The following SNTG1 variants were observed in gnomAD, a reference collection of about 807,000 sequenced individuals.
The protein encoded by SNTG1 is syntrophin gamma 1.
In SNTG1, 39 loss-of-function variants were observed where a neutral mutation model predicts 74.7. The ratio of observed to expected loss-of-function variants is 0.52; its 90% CI spans 0.40 to 0.68. SNTG1 has a LOEUF of 0.68. Among genes scored for constraint, SNTG1 ranks in the 30% least tolerant of loss-of-function variants. SNTG1 has a pLI of 0.00. For synonymous variants in SNTG1, 254 were observed against 217.1 expected, an observed-to-expected ratio of 1.17 and a Z score of -1.49; for missense variants, 685 against 609.5, an observed-to-expected ratio of 1.12 and a Z score of -1.30.
intron 2 of SNTG1, among the ~76,000 whole-genome samples, chr8:50,259,511 AGAAAG>A (rs1489636685): frequency 8.3e-5 from 8 of 96,580 alleles, no homozygotes; most frequent in African/African-American, 3.3e-4. Context: ...AAAAAAAAAA[AGAAAG>A]AAAGAAAGAA....
intron 1 of SNTG1, among the ~76,000 whole-genome samples, chr8:50,145,703 C>T (rs1404584836): frequency 6.6e-6 from 1 of 152,130 alleles, no homozygotes; most frequent in Non-Finnish European, 1.5e-5. Context: ...TTAGGGAAAG[C>T]AGAACTGATT....
At chr8:50,055,913 C>A (rs576613195) in intron 1 of SNTG1, among the ~76,000 whole-genome samples, 1 of 151,968 alleles carries the variant, frequency 6.6e-6, no homozygotes, top group African/African-American at 2.4e-5. Context: ...ATATATGTTG[C>A]TGTCTTTTTA....
chr8:50,544,915 A>T (rs2094375740), intron 11 of SNTG1, among the ~76,000 whole-genome samples: 1 of 152,054 alleles, frequency 6.6e-6, no homozygotes, highest in Non-Finnish European at 1.5e-5. Flanking sequence ...GTGATTTATA[A>T]TAGATTCATG....
intron 13 of SNTG1, among the ~76,000 whole-genome samples, chr8:50,641,010 C>G (rs1158136678): frequency 6.6e-6 from 1 of 152,158 alleles, no homozygotes; most frequent in African/African-American, 2.4e-5. Flanking sequence ...AGCATACATG[C>G]TCAGTTCAAT....
At chr8:50,643,571 A>C (rs569687582) in intron 13 of SNTG1, among the ~76,000 whole-genome samples, 13 of 151,862 alleles carry the variant, frequency 8.6e-5, no homozygotes, top group Non-Finnish European at 1.6e-4. Flanking sequence ...CTTCTTTCTG[A>C]GTGTAACAGA....
At chr8:49,928,145 T>TAATAAATAAATA (rs372341073) in intron 1 of SNTG1, among the ~76,000 whole-genome samples, 1,727 of 138,106 alleles carry the variant, frequency 0.013, 9 homozygotes, top group Middle Eastern at 0.034. Context: ...TCTCAAAAAA[T>TAATAAATAAATA]AATAAATAAA....
At chr8:50,656,858 A>T (rs772613026) in intron 13 of SNTG1, 51 bp from the exon 14 acceptor site, 11 of 1,139,646 alleles carry the variant, frequency 9.7e-6, no homozygotes, top group South Asian at 9.2e-5. Context: ...TAGATATAAG[A>T]TATCTAAAAT....
At chr8:49,921,817 T>C (rs891430626) in intron 1 of SNTG1, among the ~76,000 whole-genome samples, 1 of 152,142 alleles carries the variant, frequency 6.6e-6, no homozygotes, top group Non-Finnish European at 1.5e-5. Context: ...TCATGTAAAA[T>C]ATGCATAAAA....
chr8:50,501,448 T>G (rs1041934580), intron 8 of SNTG1, among the ~76,000 whole-genome samples: 3 of 139,042 alleles, frequency 2.2e-5, no homozygotes, highest in Non-Finnish European at 3.1e-5. Flanking sequence ...TTTTTTTTTT[T>G]TTTTTTCACG....
At chr8:49,956,743 A>C (rs1810211771) in intron 1 of SNTG1, among the ~76,000 whole-genome samples, 1 of 152,126 alleles carries the variant, frequency 6.6e-6, no homozygotes. Context: ...TCCTGGACCC[A>C]CTGATCATCC....
intron 5 of SNTG1, among the ~76,000 whole-genome samples, chr8:50,439,293 A>G (rs1287179688): frequency 6.6e-6 from 1 of 152,164 alleles, no homozygotes; most frequent in Non-Finnish European, 1.5e-5. Context: ...TGTCAAACCT[A>G]CATCTCTTCA....
At chr8:50,481,544 A>G (rs1365486246) in intron 8 of SNTG1, among the ~76,000 whole-genome samples, 5 of 152,318 alleles carry the variant, frequency 3.3e-5, no homozygotes, top group Non-Finnish European at 1.5e-5. Context: ...AGTGAGTAGC[A>G]AATAATTATG....
At chr8:50,444,552 C>T (rs1285422351) in intron 5 of SNTG1, among the ~76,000 whole-genome samples, 1 of 152,044 alleles carries the variant, frequency 6.6e-6, no homozygotes, top group Non-Finnish European at 1.5e-5. Context: ...GAGATTAAGA[C>T]CATCCTGGCC....
chr8:50,512,807 A>T (rs191169804), intron 9 of SNTG1, among the ~76,000 whole-genome samples: 1 of 152,104 alleles, frequency 6.6e-6, no homozygotes, highest in African/African-American at 2.4e-5. Flanking sequence ...TATTTTAGTT[A>T]GCCATTCATC....
chr8:50,770,642 C>T (rs1395035143), intron 18 of SNTG1, among the ~76,000 whole-genome samples: 1 of 151,976 alleles, frequency 6.6e-6, no homozygotes, highest in Non-Finnish European at 1.5e-5. Context: ...TGGCTTCTCC[C>T]CTCTGAAACT....
intron 2 of SNTG1, among the ~76,000 whole-genome samples, chr8:50,337,395 G>A (rs1239046454): frequency 6.6e-6 from 1 of 152,160 alleles, no homozygotes; most frequent in Non-Finnish European, 1.5e-5. Context: ...GCCTCAAGGG[G>A]AACACTGCTC....
At chr8:50,594,940 AC>A (rs2094716640) in intron 13 of SNTG1, among the ~76,000 whole-genome samples, 1 of 151,574 alleles carries the variant, frequency 6.6e-6, no homozygotes, top group Non-Finnish European at 1.5e-5. Context: ...ATGTTGGCTT[AC>A]ATAATAATGA....
intron 1 of SNTG1, among the ~76,000 whole-genome samples, chr8:50,089,710 C>T (rs1005297222): frequency 3.9e-5 from 6 of 152,190 alleles, no homozygotes; most frequent in South Asian, 2.1e-4. Flanking sequence ...CAATGAGATA[C>T]CATCTCACAC....
chr8:50,701,288 A>C (rs1357621299), intron 15 of SNTG1, among the ~76,000 whole-genome samples: 1 of 152,184 alleles, frequency 6.6e-6, no homozygotes, highest in Admixed American at 6.5e-5. Context: ...AGGGCATACT[A>C]AAATTTTTGC....
Sources: gnomAD v4.1 joint callset for allele counts (sites outside exome capture counted in the v4.1 genomes callset) on GRCh38, gnomAD v4.1.1 for gene constraint, MANE v1.5 for transcripts, NCBI Gene and HGNC (gene_info 2026-07-23, HGNC 2026-07-21) for gene names.